Variants in SAMMSON observed in about 807,000 individuals in gnomAD.
SAMMSON encodes the protein long intergenic non-protein coding RNA 1212.
intron 4 of SAMMSON, among the ~76,000 whole-genome samples, chr3:70,085,860 A>T (rs943109404): frequency 2.0e-5 from 3 of 152,190 alleles, no homozygotes; most frequent in Admixed American, 6.5e-5. Context: ...TCTTGCAGTG[A>T]GATACTCTTT....
At chr3:70,272,988 C>G (rs1455086368) in intron 6 of SAMMSON, among the ~76,000 whole-genome samples, 1 of 152,146 alleles carries the variant, frequency 6.6e-6, no homozygotes, top group Non-Finnish European at 1.5e-5. Flanking sequence ...CGGCTTCAGT[C>G]CAGGTCAAAT....
chr3:70,339,820 T>G (rs1462139072), intron 7 of SAMMSON, among the ~76,000 whole-genome samples: 10 of 152,162 alleles, frequency 6.6e-5, no homozygotes, highest in Admixed American at 6.5e-4. Context: ...TGCAAACTAG[T>G]TCAACCATTG....
intron 6 of SAMMSON, among the ~76,000 whole-genome samples, chr3:70,288,736 G>C (rs1702194316): frequency 1.3e-5 from 2 of 151,766 alleles, no homozygotes; most frequent in Admixed American, 6.5e-5. Flanking sequence ...TATGAATCTA[G>C]GTGCTCCTGT....
chr3:70,270,652 C>G (rs1414444461), intron 6 of SAMMSON, among the ~76,000 whole-genome samples: 1 of 152,084 alleles, frequency 6.6e-6, no homozygotes, highest in Non-Finnish European at 1.5e-5. Context: ...TGGGATGGAT[C>G]TTTAATATAT....
At chr3:70,404,631 C>A (rs1162633758) in intron 2 of SAMMSON, among the ~76,000 whole-genome samples, 2 of 152,100 alleles carry the variant, frequency 1.3e-5, no homozygotes, top group East Asian at 1.9e-4. Flanking sequence ...AGATTTGCAT[C>A]CCTGTCATAA....
chr3:70,286,025 G>A (rs1702159365), intron 6 of SAMMSON, among the ~76,000 whole-genome samples: 1 of 151,872 alleles, frequency 6.6e-6, no homozygotes, highest in African/African-American at 2.4e-5. Flanking sequence ...TCACTCTGAT[G>A]GTAGTTTCTT....
At chr3:70,352,073 G>C (rs1235981244) in intron 7 of SAMMSON, among the ~76,000 whole-genome samples, 2 of 147,586 alleles carry the variant, frequency 1.4e-5, no homozygotes, top group African/African-American at 5.0e-5. Flanking sequence ...GGCTGAAAAA[G>C]TAGTCAAAGA....
chr3:70,129,532 G>C (rs1034021521), intron 4 of SAMMSON, among the ~76,000 whole-genome samples: 1 of 152,164 alleles, frequency 6.6e-6, no homozygotes, highest in Non-Finnish European at 1.5e-5. Context: ...ATAAATAAGA[G>C]TAATGAGGCC....
intron 7 of SAMMSON, among the ~76,000 whole-genome samples, chr3:70,342,497 A>T (rs1702718592): frequency 6.6e-6 from 1 of 152,190 alleles, no homozygotes; most frequent in South Asian, 2.1e-4. Flanking sequence ...CACTATATTC[A>T]TTCCAAAGTA....
intron 7 of SAMMSON, among the ~76,000 whole-genome samples, chr3:70,350,893 A>G (rs1702789849): frequency 6.6e-6 from 1 of 152,174 alleles, no homozygotes; most frequent in Non-Finnish European, 1.5e-5. Context: ...GCAAAAGCCA[A>G]TCTTGCAAAA....
At chr3:70,390,707 C>T (rs2106757002), downstream of SAMMSON, among the ~76,000 whole-genome samples, 1 of 152,196 alleles carries the variant, frequency 6.6e-6, no homozygotes, top group East Asian at 1.9e-4. Context: ...ATCACCTCCA[C>T]CATCAGGGCT....
chr3:70,066,479 T>G (rs1372013127), intron 3 of SAMMSON, among the ~76,000 whole-genome samples: 1 of 152,092 alleles, frequency 6.6e-6, no homozygotes, highest in Non-Finnish European at 1.5e-5. Context: ...AACACTTGTG[T>G]AGTGTAAAGG....
intron 6 of SAMMSON, among the ~76,000 whole-genome samples, chr3:70,252,990 G>A (rs1467742058): frequency 1.3e-5 from 2 of 152,068 alleles, no homozygotes; most frequent in East Asian, 1.9e-4. Context: ...TGAGGCAAGA[G>A]AATCGCTTGA....
intron 9 of SAMMSON, among the ~76,000 whole-genome samples, chr3:70,379,656 T>C (rs1363971788): frequency 6.6e-6 from 1 of 152,174 alleles, no homozygotes; most frequent in East Asian, 1.9e-4. Context: ...GTGGCTGAAA[T>C]GCCCTTGAAG....
chr3:70,160,137 T>C (rs1156738398), intron 4 of SAMMSON, among the ~76,000 whole-genome samples: 1 of 152,098 alleles, frequency 6.6e-6, no homozygotes, highest in East Asian at 1.9e-4. Context: ...TACAAACATT[T>C]TGAATTTTGA....
At chr3:70,320,828 C>T (rs753904204) in intron 7 of SAMMSON, among the ~76,000 whole-genome samples, 17 of 152,024 alleles carry the variant, frequency 1.1e-4, no homozygotes, top group Non-Finnish European at 2.2e-4. Flanking sequence ...CTAGGGCGGC[C>T]TGTTTGGAAT....
chr3:70,328,699 A>G (rs1395601809), intron 7 of SAMMSON, among the ~76,000 whole-genome samples: 2 of 152,198 alleles, frequency 1.3e-5, no homozygotes, highest in Non-Finnish European at 2.9e-5. Context: ...ACAGTCTAAT[A>G]TATGAGTAAT....
At chr3:70,235,951 A>G (rs1258657507) in intron 4 of SAMMSON, among the ~76,000 whole-genome samples, 2 of 152,316 alleles carry the variant, frequency 1.3e-5, no homozygotes, top group Admixed American at 6.5e-5. Context: ...TTTTCCCACC[A>G]TCATGATTCT....
At chr3:70,226,383 A>C (rs968666005) in intron 4 of SAMMSON, among the ~76,000 whole-genome samples, 3 of 152,166 alleles carry the variant, frequency 2.0e-5, no homozygotes, top group African/African-American at 7.2e-5. Flanking sequence ...GGAATTTCCT[A>C]TTCTGTTGGG....
Sources: gnomAD v4.1 joint callset for allele counts (sites outside exome capture counted in the v4.1 genomes callset) on GRCh38, gnomAD v4.1.1 for gene constraint, MANE v1.5 for transcripts, NCBI Gene and HGNC (gene_info 2026-07-23, HGNC 2026-07-21) for gene names.